The following GPHN variants were observed in gnomAD, a reference collection of about 807,000 sequenced individuals.
The protein encoded by GPHN is gephyrin.
A neutral mutation model predicts 95.5 loss-of-function variants in GPHN; 17 were observed. That is an observed-to-expected ratio of 0.18 (90% CI 0.12 to 0.27). GPHN has a LOEUF of 0.27. Among genes scored for constraint, GPHN ranks in the 10% least tolerant of loss-of-function variants. GPHN has a pLI of 1.00. For synonymous variants in GPHN, 320 were observed against 322.5 expected (o/e 0.99, Z 0.08); for missense variants, 660 against 978.1 (o/e 0.67, Z 4.34).
At chr14:67,355,842 AT>A in the GPHN span, among the ~76,000 whole-genome samples, 5 of 151,564 alleles carry the variant, frequency 3.3e-5, no homozygotes, top group East Asian at 2.0e-4. Flanking sequence ...AAAAAAAAAA[AT>A]ATCAAAATTA....
At chr14:67,608,873 C>T in the GPHN span, among the ~76,000 whole-genome samples, 1 of 152,142 alleles carries the variant, frequency 6.6e-6, no homozygotes, top group South Asian at 2.1e-4. Context: ...AAAACACAAA[C>T]AGTTTGATTC....
chr14:66,628,321 G>C (rs1325271397), intron 1 of GPHN, among the ~76,000 whole-genome samples: 1 of 152,044 alleles, frequency 6.6e-6, no homozygotes, highest in Non-Finnish European at 1.5e-5. Flanking sequence ...AAACCTAGGT[G>C]GTATAGCCTA....
At chr14:67,492,111 A>G in the GPHN span, among the ~76,000 whole-genome samples, 3 of 150,800 alleles carry the variant, frequency 2.0e-5, no homozygotes, top group Non-Finnish European at 4.4e-5. Flanking sequence ...AGCCCACTCT[A>G]TCTCACATGC....
At chr14:67,434,968 C>CTTT in the GPHN span, among the ~76,000 whole-genome samples, 13 of 147,420 alleles carry the variant, frequency 8.8e-5, no homozygotes, top group African/African-American at 2.1e-4. Flanking sequence ...TCTTCTCTCT[C>CTTT]TCTTTTTTTT....
the GPHN span, among the ~76,000 whole-genome samples, chr14:67,284,262 T>C: frequency 6.6e-6 from 1 of 151,838 alleles, no homozygotes; most frequent in Non-Finnish European, 1.5e-5. Context: ...CCATAAAATT[T>C]TGTCTTTTAA....
At chr14:67,586,438 G>A in the GPHN span, 1 of 1,311,220 alleles carries the variant, frequency 7.6e-7, no homozygotes, top group South Asian at 1.2e-5. Context: ...CCTCAAGGCA[G>A]GGCAGATTCC....
chr14:66,715,496 T>C (rs369071094), intron 2 of GPHN, among the ~76,000 whole-genome samples: 9 of 152,302 alleles, frequency 5.9e-5, no homozygotes, highest in African/African-American at 2.2e-4. Context: ...GCTCTGATCG[T>C]GGTTATTTCC....
the GPHN span, among the ~76,000 whole-genome samples, chr14:67,343,896 T>C: frequency 1.3e-5 from 2 of 152,212 alleles, no homozygotes; most frequent in East Asian, 1.9e-4. Flanking sequence ...GAGATTTCCA[T>C]AGGGCTAACA....
chr14:67,592,516 C>A, the GPHN span: 1 of 626,082 alleles, frequency 1.6e-6, no homozygotes, highest in South Asian at 2.0e-5. Context: ...TAACTGAAAT[C>A]CTAATTATCA....
chr14:67,173,879 A>G (rs1212683135), intron 21 of GPHN, among the ~76,000 whole-genome samples: 1 of 152,142 alleles, frequency 6.6e-6, no homozygotes, highest in African/African-American at 2.4e-5. Context: ...AAAAACAGAA[A>G]TCCTACAGTT....
chr14:67,508,753 C>CAA, the GPHN span, among the ~76,000 whole-genome samples: 704 of 46,716 alleles, frequency 0.015, 82 homozygotes, highest in Non-Finnish European at 0.025. Flanking sequence ...AACCTTGTCT[C>CAA]AAAAAAAAAA....
At chr14:67,610,942 AG>A in the GPHN span, 1 of 152,264 alleles carries the variant, frequency 6.6e-6, no homozygotes, top group Non-Finnish European at 1.5e-5. Flanking sequence ...GGTTTTTTTC[AG>A]GGCAGCAGGC....
At chr14:67,663,356 T>A in the GPHN span, among the ~76,000 whole-genome samples, 3 of 152,134 alleles carry the variant, frequency 2.0e-5, no homozygotes, top group Non-Finnish European at 4.4e-5. Context: ...GTATTTTACA[T>A]GAAATAAGTT....
At chr14:66,645,498 C>T (rs1480977881) in intron 1 of GPHN, among the ~76,000 whole-genome samples, 2 of 151,720 alleles carry the variant, frequency 1.3e-5, no homozygotes, top group Non-Finnish European at 2.9e-5. Flanking sequence ...ACCAGCCTGG[C>T]CAACAAGGCG....
At chr14:67,535,682 G>A in the GPHN span, among the ~76,000 whole-genome samples, 16 of 152,120 alleles carry the variant, frequency 1.1e-4, no homozygotes, top group Admixed American at 1.3e-4. Context: ...GCCCAGCCTC[G>A]TGAGCACATC....
chr14:66,762,353 C>A (rs1325110101), intron 2 of GPHN, among the ~76,000 whole-genome samples: 1 of 152,038 alleles, frequency 6.6e-6, no homozygotes, highest in Non-Finnish European at 1.5e-5. Context: ...TTATGTAAGG[C>A]ATAATAATAC....
chr14:67,089,125 C>CTTTTTTTTTTTTTTTTTTTTTT, intron 12 of GPHN, 50 bp downstream of exon 12: 1 of 326,496 alleles, frequency 3.1e-6, no homozygotes, highest in South Asian at 2.9e-5. Flanking sequence ...ATTTTTTTTT[C>CTTTTTTTTTTTTTTTTTTTTTT]TTTTTTTCTT....
chr14:66,942,946 C>T (rs1234006070), intron 8 of GPHN, among the ~76,000 whole-genome samples: 1 of 152,140 alleles, frequency 6.6e-6, no homozygotes, highest in Admixed American at 6.5e-5. Flanking sequence ...AAAATGATGA[C>T]TCAGATACTT....
the GPHN span, among the ~76,000 whole-genome samples, chr14:67,722,058 A>G: frequency 1.3e-5 from 2 of 152,148 alleles, no homozygotes; most frequent in African/African-American, 4.8e-5. Flanking sequence ...TAGCACCCAG[A>G]TGAAAGAGCA....
Sources: allele counts gnomAD v4.1 joint callset (sites outside exome capture counted in the v4.1 genomes callset), GRCh38; gene constraint gnomAD v4.1.1; transcripts MANE v1.5; gene names NCBI Gene and HGNC (gene_info 2026-07-23, HGNC 2026-07-21).